The following LRRC4C variants were observed in gnomAD, a reference collection of about 807,000 sequenced individuals.
LRRC4C encodes leucine-rich repeat-containing protein 4C.
Under a neutral mutation model 33.6 loss-of-function variants are expected in LRRC4C, and 5 were observed. That is an observed-to-expected ratio of 0.15 (90% CI 0.08 to 0.31). The LOEUF (loss-of-function observed/expected upper bound fraction) is 0.31. Ranked by LOEUF, LRRC4C falls within the 10% of genes least tolerant of loss-of-function variation. The pLI, the probability that LRRC4C is intolerant of heterozygous loss-of-function variation, is 1.00. For missense variants in LRRC4C, 560 were observed against 796.7 expected (o/e 0.70, Z 3.58); for synonymous variants, 329 against 302.0 (o/e 1.09, Z -0.93).
intron 3 of LRRC4C, among the ~76,000 whole-genome samples, chr11:40,530,530 T>C (rs76075309): frequency 0.014 from 2,155 of 152,246 alleles, 55 homozygotes; most frequent in African/African-American, 0.049. Flanking sequence ...GCAAAGCACT[T>C]AGCACAGAGC....
intron 2 of LRRC4C, among the ~76,000 whole-genome samples, chr11:40,818,553 TCTC>T (rs1951797655): frequency 2.0e-5 from 3 of 152,104 alleles, no homozygotes; most frequent in African/African-American, 7.2e-5. Flanking sequence ...TTAACTCCTT[TCTC>T]CTATTTTTGT....
chr11:41,283,043 T>G (rs1949720443), intron 1 of LRRC4C, among the ~76,000 whole-genome samples: 1 of 152,236 alleles, frequency 6.6e-6, no homozygotes, highest in Non-Finnish European at 1.5e-5. Context: ...TTCAATGGTT[T>G]ATCATCTTTA....
chr11:40,504,156 C>T (rs757534793), intron 3 of LRRC4C, among the ~76,000 whole-genome samples: 2 of 151,768 alleles, frequency 1.3e-5, no homozygotes, highest in East Asian at 1.9e-4. Flanking sequence ...AACTTCATTG[C>T]TCCCATTTTT....
chr11:41,201,915 CACACAA>C (rs1283545181), intron 1 of LRRC4C, among the ~76,000 whole-genome samples: 2 of 19,712 alleles, frequency 1.0e-4, no homozygotes, highest in Admixed American at 8.8e-4. Flanking sequence ...CACATACACA[CACACAA>C]ACACACACAC....
chr11:41,216,783 TG>T (rs1188523331), intron 1 of LRRC4C, among the ~76,000 whole-genome samples: 1 of 151,736 alleles, frequency 6.6e-6, no homozygotes, highest in East Asian at 1.9e-4. Context: ...GTGTAGATTT[TG>T]CATGATCTCC....
intron 1 of LRRC4C, among the ~76,000 whole-genome samples, chr11:40,955,367 T>G (rs1958909038): frequency 6.6e-6 from 1 of 151,812 alleles, no homozygotes; most frequent in African/African-American, 2.4e-5. Context: ...GTGATCAAAA[T>G]TTTCTTCTTT....
chr11:40,565,880 T>C (rs1051372355), intron 3 of LRRC4C, among the ~76,000 whole-genome samples: 2 of 152,102 alleles, frequency 1.3e-5, no homozygotes, highest in East Asian at 3.9e-4. Flanking sequence ...ACAATTTCTA[T>C]AATTCAGAAT....
chr11:40,533,515 G>A (rs12284749), intron 3 of LRRC4C, among the ~76,000 whole-genome samples: 85,148 of 151,882 alleles, frequency 0.56, 24,222 homozygotes, highest in East Asian at 0.79. Context: ...TTAACTCATT[G>A]TCACCCTCCC....
intron 2 of LRRC4C, among the ~76,000 whole-genome samples, chr11:40,666,646 T>C (rs1348015647): frequency 6.6e-6 from 1 of 152,194 alleles, no homozygotes; most frequent in Non-Finnish European, 1.5e-5. Flanking sequence ...ATTAATATTG[T>C]AATATAAAAA....
intron 3 of LRRC4C, among the ~76,000 whole-genome samples, chr11:40,574,268 A>G (rs1163629178): frequency 6.6e-6 from 1 of 152,134 alleles, no homozygotes; most frequent in Non-Finnish European, 1.5e-5. Context: ...CCTTCCTCCA[A>G]TTATGGCTGT....
At chr11:40,534,210 C>A (rs531309824) in intron 3 of LRRC4C, among the ~76,000 whole-genome samples, 2 of 151,872 alleles carry the variant, frequency 1.3e-5, no homozygotes, top group Non-Finnish European at 2.9e-5. Context: ...ACCTGTCATA[C>A]GTGATGTGTC....
chr11:40,520,676 A>T (rs1391482759), intron 3 of LRRC4C, among the ~76,000 whole-genome samples: 1 of 152,172 alleles, frequency 6.6e-6, no homozygotes, highest in African/African-American at 2.4e-5. Context: ...AATTACTGAA[A>T]TGTGACACAA....
rs1322328071 is a variant in LRRC4C at position 40,272,206 on chromosome 11, G to C, written c.-175-30608C>G. ...TCCATAAGAAAATAGCTATTTGGTG[G>C]ATATTTTATTGTTAACATTTTTCTC... On this transcript the variant is annotated intron_variant, in intron 4 of 6. Transcript: ENST00000528697. 3.3e-5 allele frequency among the ~76,000 whole-genome samples: 5 copies of C among 152,098 alleles called. No homozygotes were observed. In the East Asian group the frequency reaches 5.8e-4, roughly 18 times the overall value.
At chr11:40,513,882 A>C (rs1251036667) in intron 3 of LRRC4C, among the ~76,000 whole-genome samples, 1 of 152,118 alleles carries the variant, frequency 6.6e-6, no homozygotes, top group Non-Finnish European at 1.5e-5. Flanking sequence ...ACTCACAGGA[A>C]AGGGTGATAG....
chr11:40,592,343 T>A (rs1043909432), intron 3 of LRRC4C, among the ~76,000 whole-genome samples: 3 of 152,066 alleles, frequency 2.0e-5, no homozygotes, highest in East Asian at 3.9e-4. Flanking sequence ...CTTGGAGGGG[T>A]GGCTGAAACA....
chr11:40,932,155 TGTTG>T (rs1472075791), intron 2 of LRRC4C, among the ~76,000 whole-genome samples: 1 of 152,136 alleles, frequency 6.6e-6, no homozygotes, highest in Non-Finnish European at 1.5e-5. Context: ...GAGTTATTAC[TGTTG>T]GTTATCTTGG....
chr11:41,417,715 A>C (rs1323542145), intron 1 of LRRC4C, among the ~76,000 whole-genome samples: 1 of 151,958 alleles, frequency 6.6e-6, no homozygotes, highest in Non-Finnish European at 1.5e-5. Context: ...ATCTCCAATT[A>C]TCTAGCTCTT....
chr11:40,497,098 C>G (rs1954502030), intron 3 of LRRC4C, among the ~76,000 whole-genome samples: 1 of 152,000 alleles, frequency 6.6e-6, no homozygotes, highest in Admixed American at 6.6e-5. Flanking sequence ...TGGTAGGCAA[C>G]TAAATCATCA....
intron 4 of LRRC4C, chr11:40,294,118 C>G (rs549897327): frequency 4.6e-5 from 7 of 152,808 alleles, no homozygotes; most frequent in African/African-American, 1.2e-4. Context: ...CTTTCTTTCC[C>G]CTTTTCCTTT....
Sources: gnomAD v4.1 joint callset for allele counts (sites outside exome capture counted in the v4.1 genomes callset) on GRCh38, gnomAD v4.1.1 for gene constraint, MANE v1.5 for transcripts, NCBI Gene and HGNC (gene_info 2026-07-23, HGNC 2026-07-21) for gene names.